KCNC2: variants seen among roughly 807,000 people sequenced by gnomAD.
KCNC2 encodes the protein voltage-gated potassium channel KCNC2.
Under a neutral mutation model 44.5 loss-of-function variants are expected in KCNC2, and 21 were observed. The observed-to-expected ratio is 0.47, with a 90% CI of 0.33 to 0.68. The LOEUF (loss-of-function observed/expected upper bound fraction) is 0.68. Among genes scored for constraint, KCNC2 ranks in the 30% least tolerant of loss-of-function variants. The pLI is 0.01. For synonymous variants in KCNC2, 391 were observed against 339.1 expected, an observed-to-expected ratio of 1.15 and a Z score of -1.68; for missense variants, 589 against 826.2, an observed-to-expected ratio of 0.71 and a Z score of 3.52.
At chr12:75,053,149 T>C (rs547293289) in intron 2 of KCNC2, among the ~76,000 whole-genome samples, 1 of 152,158 alleles carries the variant, frequency 6.6e-6, no homozygotes, top group Non-Finnish European at 1.5e-5. Flanking sequence ...CCTCTATTCA[T>C]AAATTACTTC....
chr12:75,119,873 T>G (rs1414462321), intron 2 of KCNC2, among the ~76,000 whole-genome samples: 4 of 152,226 alleles, frequency 2.6e-5, no homozygotes, highest in African/African-American at 7.2e-5. Flanking sequence ...CATGGTAGTT[T>G]AAGAAACAGA....
At chr12:75,053,395 G>T (rs1333527481) in intron 2 of KCNC2, among the ~76,000 whole-genome samples, 1 of 151,058 alleles carries the variant, frequency 6.6e-6, no homozygotes, top group African/African-American at 2.5e-5. Context: ...GTGTGTGCGT[G>T]TGTGTTTGTG....
intron 2 of KCNC2, among the ~76,000 whole-genome samples, chr12:75,118,380 A>G (rs1887826094): frequency 1.3e-5 from 2 of 152,156 alleles, no homozygotes; most frequent in Admixed American, 1.3e-4. Context: ...TTCAGATATT[A>G]CAAATTAGCA....
chr12:75,052,909 C>G (rs1223205222), intron 2 of KCNC2, among the ~76,000 whole-genome samples: 2 of 152,128 alleles, frequency 1.3e-5, no homozygotes, highest in East Asian at 3.9e-4. Flanking sequence ...ATGGCTTTGA[C>G]TTGCTCTTTC....
intron 2 of KCNC2, among the ~76,000 whole-genome samples, chr12:75,105,416 G>A: frequency 9.3e-6 from 1 of 107,700 alleles, no homozygotes; most frequent in East Asian, 2.6e-4. Flanking sequence ...TCTGTGGAAG[G>A]ACTTTGGCTT....
chr12:75,149,163 T>A (rs776345026), intron 2 of KCNC2, among the ~76,000 whole-genome samples: 1 of 151,816 alleles, frequency 6.6e-6, no homozygotes, highest in African/African-American at 2.4e-5. Context: ...ATTTAAAAAG[T>A]TAATGGTTTG....
At chr12:75,070,148 G>C (rs1266731887) in intron 2 of KCNC2, among the ~76,000 whole-genome samples, 2 of 152,166 alleles carry the variant, frequency 1.3e-5, no homozygotes, top group Non-Finnish European at 2.9e-5. Flanking sequence ...CCTAGTTTGT[G>C]TTGACCAGTG....
intron 4 of KCNC2, among the ~76,000 whole-genome samples, chr12:75,044,240 T>C (rs1387071505): frequency 1.3e-5 from 2 of 152,058 alleles, no homozygotes; most frequent in Non-Finnish European, 2.9e-5. Flanking sequence ...AAAGTAGTCA[T>C]GCTACAAAGC....
chr12:75,062,885 A>G (rs1313637949), intron 2 of KCNC2, among the ~76,000 whole-genome samples: 1 of 152,084 alleles, frequency 6.6e-6, no homozygotes, highest in Non-Finnish European at 1.5e-5. Context: ...AGAATCTTAA[A>G]AATGCAGTTA....
chr12:75,145,177 C>G (rs1292525135), intron 2 of KCNC2, among the ~76,000 whole-genome samples: 3 of 151,778 alleles, frequency 2.0e-5, no homozygotes, highest in Non-Finnish European at 2.9e-5. Context: ...AAGGGTTGGT[C>G]TATGTCTTAA....
chr12:75,087,940 T>G (rs1404724690), intron 2 of KCNC2, among the ~76,000 whole-genome samples: 1 of 152,004 alleles, frequency 6.6e-6, no homozygotes, highest in Non-Finnish European at 1.5e-5. Context: ...TCTCAAGCTC[T>G]TAACTGCCCC....
At chr12:75,206,349 T>C (rs896319557) in intron 2 of KCNC2, among the ~76,000 whole-genome samples, 1 of 152,236 alleles carries the variant, frequency 6.6e-6, no homozygotes, top group African/African-American at 2.4e-5. Context: ...GTTATTTATA[T>C]GTCTTTATTT....
Position 75,135,853 on chromosome 12 carries a change from CT to C in KCNC2, c.687+71443del, listed in dbSNP as rs1889189704. ...TAATTGTGTGCTATGTATAATGTCACTCTATGTGTACCCAGAGCATGGCCAT... is the reference window on the plus strand; with the variant it reads ...TAATTGTGTGCTATGTATAATGTCACCTATGTGTACCCAGAGCATGGCCAT... On this transcript the variant is annotated intron_variant, in intron 2 of 4. Transcript: ENST00000549446. 2.0e-5 allele frequency among the ~76,000 whole-genome samples: 3 copies of C among 151,954 alleles called. No homozygotes were observed. The South Asian group carries it at 6.2e-4, about 31-fold the overall frequency.
chr12:75,191,706 G>A (rs1328026570), intron 2 of KCNC2, among the ~76,000 whole-genome samples: 4 of 150,504 alleles, frequency 2.7e-5, no homozygotes, highest in South Asian at 2.1e-4. Flanking sequence ...GCCCGGCACC[G>A]CGCCCGGCTA....
At chr12:75,070,929 A>G (rs1883335980) in intron 2 of KCNC2, among the ~76,000 whole-genome samples, 1 of 152,150 alleles carries the variant, frequency 6.6e-6, no homozygotes, top group Admixed American at 6.5e-5. Flanking sequence ...TTAATAGTCC[A>G]TATTCTTAAT....
At chr12:75,157,680 A>C (rs927220098) in intron 2 of KCNC2, among the ~76,000 whole-genome samples, 2 of 151,852 alleles carry the variant, frequency 1.3e-5, no homozygotes, top group African/African-American at 2.4e-5. Context: ...GTGATGGAAA[A>C]AGCTTTAAAA....
At chr12:75,206,602 GAGATAC>G (rs2031705841) in intron 2 of KCNC2, among the ~76,000 whole-genome samples, 4 of 152,200 alleles carry the variant, frequency 2.6e-5, no homozygotes, top group Admixed American at 2.6e-4. Flanking sequence ...GTAAGGATCA[GAGATAC>G]AGCCCTAAGC....
intron 2 of KCNC2, among the ~76,000 whole-genome samples, chr12:75,133,568 T>C (rs891648020): frequency 1.3e-5 from 2 of 152,018 alleles, no homozygotes; most frequent in African/African-American, 4.8e-5. Flanking sequence ...TATCTTAGCA[T>C]GATCCTGAAC....
chr12:75,176,173 C>A (rs1565664852), intron 2 of KCNC2, among the ~76,000 whole-genome samples: 1 of 151,976 alleles, frequency 6.6e-6, no homozygotes. Context: ...ATGGCAGGTA[C>A]CTGTACATTT....
Sources: allele counts gnomAD v4.1 joint callset (sites outside exome capture counted in the v4.1 genomes callset), GRCh38; gene constraint gnomAD v4.1.1; transcripts MANE v1.5; gene names NCBI Gene and HGNC (gene_info 2026-07-23, HGNC 2026-07-21).